Variants in DTX1 observed in about 807,000 individuals in gnomAD.
DTX1 encodes deltex E3 ubiquitin ligase 1, also known as E3 ubiquitin-protein ligase DTX1.
A neutral mutation model predicts 57.8 loss-of-function variants in DTX1; 26 were observed. The ratio of observed to expected loss-of-function variants is 0.45; its 90% CI spans 0.33 to 0.62. The LOEUF is 0.62. Among genes scored for constraint, DTX1 ranks in the 20% least tolerant of loss-of-function variants. DTX1 has a pLI of 0.02. For synonymous variants in DTX1, 398 were observed against 394.1 expected (o/e 1.01, Z -0.12); for missense variants, 704 against 895.3 (o/e 0.79, Z 2.73).
intron 3 of DTX1, among the ~76,000 whole-genome samples, chr12:113,078,640 C>T (rs12817870): frequency 0.16 from 24,596 of 152,056 alleles, 2,564 homozygotes; most frequent in Middle Eastern, 0.32. Context: ...TCAGGGTCAC[C>T]GGGGAAGGGT....
At position 113,077,995 on chromosome 12, in the gene DTX1, A is replaced by T. The variant is rs972390216; in HGVS notation, c.831A>T (p.Pro277=). 7.1e-5 allele frequency: 77 copies of T among 1,083,494 alleles called. No individual in the cohort carries two copies. In the African/African-American group the frequency reaches 1.2e-3, roughly 17 times the overall value. The allele number at this position is 1,083,494 out of a possible 1,614,324, so 67.1% of individuals were successfully genotyped here. ...AEPAPPPGAP[P]RSPGAPGGAR... ...CCGCGCCGCCTCCCGGGGCGCCCCCACGGAGCCCGGGCGCCCCCGGCGGAG... is the reference window on the plus strand; with the variant it reads ...CCGCGCCGCCTCCCGGGGCGCCCCCTCGGAGCCCGGGCGCCCCCGGCGGAG... The change falls in exon 3 of 10, where the codon CCA becomes CCT. Residue 277 remains proline (P), a synonymous_variant. Transcript: ENST00000548759. This position sits in a 1 kb window ranked among gnomAD's most constrained non-coding sequence, Gnocchi z 7.8.
At chr12:113,074,086 C>T (rs11066488) in intron 2 of DTX1, among the ~76,000 whole-genome samples, 45,742 of 151,856 alleles carry the variant, frequency 0.3, 7,297 homozygotes, top group Middle Eastern at 0.39. Flanking sequence ...CAAAAAAAAT[C>T]AGCTGGGTGA....
chr12:113,090,613 C>G (rs941175501), intron 3 of DTX1, among the ~76,000 whole-genome samples: 1 of 152,190 alleles, frequency 6.6e-6, no homozygotes, highest in African/African-American at 2.4e-5. Context: ...ATCCTGCCTC[C>G]CTCGGGAGCT....
intron 3 of DTX1, among the ~76,000 whole-genome samples, chr12:113,092,205 C>T (rs1950252957): frequency 6.6e-6 from 1 of 152,098 alleles, no homozygotes; most frequent in Non-Finnish European, 1.5e-5. Flanking sequence ...TGAAATTACT[C>T]GGCCAGGATT....
At chr12:113,069,028 T>C (rs983154215) in intron 2 of DTX1, among the ~76,000 whole-genome samples, 23 of 152,358 alleles carry the variant, frequency 1.5e-4, no homozygotes, top group African/African-American at 5.5e-4. Context: ...ATATGTTTAT[T>C]ATCATTATTA....
Position 113,077,736 on chromosome 12 carries a change from C to T in DTX1, c.572C>T (p.Pro191Leu). Residue 191 changes from proline to leucine, a missense_variant, in exon 3 of 10, where the codon CCC becomes CTC. Transcript: ENST00000548759. This position sits in a 1 kb window ranked among gnomAD's most constrained non-coding sequence, Gnocchi z 7.8. ...VGSIPKSQSW[P>L]VGASSGQPCS... The stretch of plus-strand genomic sequence containing the variant: ...TCCATCCCTAAGTCGCAGTCGTGGC[C>T]CGTGGGCGCCAGCTCGGGCCAGCCC... 1 of 1,533,566 alleles carries T rather than the reference C, an allele frequency of 6.5e-7. No individual in the cohort carries two copies. Among genetic ancestry groups the T allele is most frequent in the Non-Finnish European group, 8.7e-7 (1 of 1,144,976 alleles). The allele number at this position is 1,533,566 out of a possible 1,614,324, so 95.0% of individuals were successfully genotyped here.
At chr12:113,063,436 C>T (rs150097358) in intron 2 of DTX1, among the ~76,000 whole-genome samples, 33 of 152,338 alleles carry the variant, frequency 2.2e-4, no homozygotes, top group Non-Finnish European at 3.8e-4. Flanking sequence ...CAGCCACTTC[C>T]GCAGAAGCTC....
chr12:113,095,825 G>A (rs1950285700), intron 9 of DTX1, among the ~76,000 whole-genome samples: 1 of 152,232 alleles, frequency 6.6e-6, no homozygotes, highest in Non-Finnish European at 1.5e-5. Flanking sequence ...TTGAATGTTA[G>A]TAACTAATTT....
intron 3 of DTX1, among the ~76,000 whole-genome samples, chr12:113,086,347 G>A (rs904379234): frequency 6.6e-6 from 1 of 152,202 alleles, no homozygotes; most frequent in Non-Finnish European, 1.5e-5. Context: ...CCCTGAGGCA[G>A]AGTGGGTCTG....
rs559928604 is a variant in DTX1, at chr12:113,086,573, G to A, written c.942-6589G>A. Among the ~76,000 whole-genome samples, 148 of 152,324 alleles carry A rather than the reference G, an allele frequency of 9.7e-4. No homozygotes were observed. In the Middle Eastern group the frequency reaches 0.01, roughly 11 times the overall value. On this transcript the variant is annotated intron_variant, in intron 3 of 9. Transcript: ENST00000548759. Reference sequence around the variant, plus strand: ...TCACTCTGAATGCTGAGCATAGACCGCAGTGGGGCTGAAGCAGGAGGCCAA... The same window carrying A: ...TCACTCTGAATGCTGAGCATAGACCACAGTGGGGCTGAAGCAGGAGGCCAA...
At chr12:113,094,634 A>G (rs1950272622) in intron 6 of DTX1, among the ~76,000 whole-genome samples, 155 bp from the exon 7 acceptor site, 1 of 152,258 alleles carries the variant, frequency 6.6e-6, no homozygotes, top group Non-Finnish European at 1.5e-5. Flanking sequence ...AAATAAAACA[A>G]TGTATGGGGC....
chr12:113,064,256 C>T (rs1054012459), intron 2 of DTX1, among the ~76,000 whole-genome samples: 3 of 152,176 alleles, frequency 2.0e-5, no homozygotes, highest in African/African-American at 7.2e-5. Context: ...CTGGTAGCAG[C>T]AGGTCCAGCT....
rs1314327856 is a variant in DTX1 at position 113,078,061 on chromosome 12, C to G, written c.897C>G (p.Pro299=). Residue 299 remains proline (P), a synonymous_variant, in exon 3 of 10, where the codon CCC becomes CCG. Transcript: ENST00000548759. ...AGAACAACCTCAACCGGCCCGGGCC[C>G]CAGCGCACCACCAGCGTGAGCGCGC... ...PGQNNLNRPG[P]QRTTSVSARA... is the part of the protein sequence containing the mutation. 3 of 1,389,300 alleles carry G rather than the reference C, an allele frequency of 2.2e-6. No homozygotes were observed. The highest frequency in any genetic ancestry group is 2.8e-6 in the Non-Finnish European group (3 of 1,070,794). 86.1% of individuals were successfully genotyped at this position (1,389,300 alleles called of 1,614,324 possible).
intron 9 of DTX1, among the ~76,000 whole-genome samples, chr12:113,096,439 C>CAAAAAAAAAAAAAAAAAAAAAA (rs56194115): frequency 2.2e-5 from 2 of 92,782 alleles, no homozygotes; most frequent in Non-Finnish European, 2.0e-5. Flanking sequence ...GACTCTGCCT[C>CAAAAAAAAAAAAAAAAAAAAAA]AAAAAAAAAA....
Position 113,093,426 on chromosome 12 carries a change from C to A in DTX1, c.1004-113C>A. 7.3e-7 allele frequency: 1 copy of A among 1,366,712 alleles called. No homozygotes were observed. Among genetic ancestry groups the A allele is most frequent in the Non-Finnish European group, 9.7e-7 (1 of 1,031,044 alleles). The allele number at this position is 1,366,712 out of a possible 1,614,324, so 84.7% of individuals were successfully genotyped here. On this transcript the variant is annotated intron_variant, in intron 4 of 9. Coordinates refer to ENST00000548759, the MANE Select transcript of DTX1 (RefSeq NM_004416.3). This position sits in a 1 kb window ranked among gnomAD's most constrained non-coding sequence, Gnocchi z 4.2. The stretch of plus-strand genomic sequence containing the variant: ...CTTCAAGGGGCTGAGTGGGTGGGGC[C>A]CAAGAGCGCAACCCTCCCACCCACC...
At chr12:113,074,917 T>C (rs1321798990) in intron 2 of DTX1, among the ~76,000 whole-genome samples, 1 of 152,044 alleles carries the variant, frequency 6.6e-6, no homozygotes. Flanking sequence ...TGCCAGGAAT[T>C]GCTATGTGAA....
At position 113,093,803 on chromosome 12, in the gene DTX1, C is replaced by T. The variant is rs189718773; in HGVS notation, c.1165+103C>T. The T allele has an allele frequency of 7.2e-4, 1,098 of 1,519,236 alleles. 1 individual carries two copies. Among genetic ancestry groups the T allele is most frequent in the Non-Finnish European group, 8.9e-4 (999 of 1,121,174 alleles). The allele number at this position is 1,519,236 out of a possible 1,614,324, so 94.1% of individuals were successfully genotyped here. A position where few individuals can be genotyped will look rare whatever the true frequency, so the allele number is the denominator to read the frequency against. Reference sequence around the variant, plus strand: ...AACTTATTCTTAGCATTTACTACCTCACCTCCATTGCCTGATCTCAGCTCC... The same window carrying T: ...AACTTATTCTTAGCATTTACTACCTTACCTCCATTGCCTGATCTCAGCTCC... On this transcript the variant is annotated intron_variant, in intron 5 of 9. Coordinates refer to ENST00000548759, the MANE Select transcript of DTX1 (RefSeq NM_004416.3). This position sits in a 1 kb window ranked among gnomAD's most constrained non-coding sequence, Gnocchi z 4.2.
chr12:113,065,587 G>A (rs2044698566), intron 2 of DTX1, among the ~76,000 whole-genome samples: 2 of 152,146 alleles, frequency 1.3e-5, no homozygotes, highest in Non-Finnish European at 2.9e-5. Context: ...TTCTTCCAAA[G>A]GAGCTGCGGA....
chr12:113,095,578 T>G, intron 9 of DTX1, 164 bp downstream of exon 9: 1 of 843,072 alleles, frequency 1.2e-6, no homozygotes, highest in Non-Finnish European at 1.8e-6. Flanking sequence ...TCACACATCT[T>G]ATCTCGTTTC....
Sources: gnomAD v4.1 joint callset for allele counts (sites outside exome capture counted in the v4.1 genomes callset) on GRCh38, gnomAD v4.1.1 for gene constraint, Gnocchi (gnomAD v3.1) non-coding constraint, MANE v1.5 for transcripts, NCBI Gene and HGNC (gene_info 2026-07-23, HGNC 2026-07-21) for gene names.